The following NELL1 variants were observed in gnomAD, a reference collection of about 807,000 sequenced individuals.
NELL1 encodes neural EGFL like 1, also known as protein kinase C-binding protein NELL1.
In NELL1, 76 loss-of-function variants were observed where a neutral mutation model predicts 107.4. That is an observed-to-expected ratio of 0.71 (90% CI 0.59 to 0.86). The LOEUF (loss-of-function observed/expected upper bound fraction) is 0.86. NELL1 is among the 40% of genes least tolerant of loss of function. NELL1 has a pLI of 0.00. For synonymous variants in NELL1, 353 were observed against 341.2 expected, an observed-to-expected ratio of 1.03 and a Z score of -0.38; for missense variants, 1,024 against 1,005.5, an observed-to-expected ratio of 1.02 and a Z score of -0.25.
intron 15 of NELL1, among the ~76,000 whole-genome samples, chr11:21,428,334 C>G (rs1350848930): frequency 6.6e-6 from 1 of 152,070 alleles, no homozygotes; most frequent in African/African-American, 2.4e-5. Context: ...AGCATTAGTA[C>G]AAATAATTTT....
chr11:20,914,958 A>G lies in NELL1; in HGVS notation c.604-3224A>G, dbSNP rs12574023. ...CCTAAATTAAAAACTATTGCCCCAC[A>G]TGATCTTCACAGATCCTAACTGTGC... On this transcript the variant is annotated intron_variant, in intron 5 of 19. Coordinates refer to ENST00000357134, the MANE Select transcript of NELL1 (RefSeq NM_006157.5). 5.0e-3 allele frequency among the ~76,000 whole-genome samples: 764 copies of G among 152,138 alleles called. 24 individuals carry two copies. The East Asian group carries it at 0.081, about 16-fold the overall frequency.
chr11:20,755,552 T>TTTTTTTTTTTTATTTTTTTA lies in NELL1; in HGVS notation c.185-28125_185-28124insTTTTTTTTATTTTTTTATTT. The stretch of plus-strand genomic sequence containing the variant: ...TGTGTGGGTTTTTGTTTTTTTTTGT[T>TTTTTTTTTTTTATTTTTTTA]TTTGTTTTTGTTTTTTTTTTTTTGA... On this transcript the variant is annotated intron_variant, in intron 2 of 19. Coordinates refer to ENST00000357134, the MANE Select transcript of NELL1 (RefSeq NM_006157.5). 4.8e-5 allele frequency among the ~76,000 whole-genome samples: 2 copies of TTTTTTTTTTTTATTTTTTTA among 41,482 alleles called. 1 individual carries two copies. Among genetic ancestry groups the TTTTTTTTTTTTATTTTTTTA allele is most frequent in the Non-Finnish European group, 9.9e-5 (2 of 20,190 alleles). The allele number at this position is 41,482 out of a possible 152,430, so 27.2% of individuals were successfully genotyped here. A position where few individuals can be genotyped will look rare whatever the true frequency, so the allele number is the denominator to read the frequency against.
At chr11:20,692,797 T>G (rs1854504461) in intron 2 of NELL1, among the ~76,000 whole-genome samples, 2 of 152,198 alleles carry the variant, frequency 1.3e-5, no homozygotes, top group African/African-American at 4.8e-5. Context: ...AGATGTCTAT[T>G]AGGTCCGCTT....
At chr11:21,214,836 T>C (rs1857579589) in intron 13 of NELL1, among the ~76,000 whole-genome samples, 1 of 152,110 alleles carries the variant, frequency 6.6e-6, no homozygotes, top group South Asian at 2.1e-4. Context: ...TAAAAAGAGA[T>C]TGTGTTGGTG....
At position 21,410,714 on chromosome 11, in the gene NELL1, C is replaced by T. The variant is rs56719653; in HGVS notation, c.1645+39766C>T. Among the ~76,000 whole-genome samples, 311 of 152,030 alleles carry T rather than the reference C, an allele frequency of 2.0e-3. 2 individuals carry two copies. The highest frequency in any genetic ancestry group is 7.0e-3 in the African/African-American group (289 of 41,504). On this transcript the variant is annotated intron_variant, in intron 15 of 19. Coordinates refer to ENST00000357134, the MANE Select transcript of NELL1 (RefSeq NM_006157.5). Reference sequence around the variant, plus strand: ...GCTGTTTGATCACAAAAATGATTTGCGTCTCCTTATCTCAGTGGAGAGAAT... The same window carrying T: ...GCTGTTTGATCACAAAAATGATTTGTGTCTCCTTATCTCAGTGGAGAGAAT...
intron 2 of NELL1, among the ~76,000 whole-genome samples, chr11:20,752,271 C>T (rs899141133): frequency 2.6e-5 from 4 of 152,066 alleles, no homozygotes; most frequent in South Asian, 2.1e-4. Context: ...AATCCTTGGC[C>T]AGGTGTGGTG....
intron 15 of NELL1, among the ~76,000 whole-genome samples, chr11:21,372,873 T>C (rs2133756065): frequency 6.6e-6 from 1 of 152,160 alleles, no homozygotes; most frequent in East Asian, 1.9e-4. Flanking sequence ...TCTTGATTTG[T>C]CCTTTGTCCT....
At chr11:21,219,324 G>C (rs1857694261) in intron 13 of NELL1, among the ~76,000 whole-genome samples, 1 of 151,968 alleles carries the variant, frequency 6.6e-6, no homozygotes, top group African/African-American at 2.4e-5. Context: ...TTTTTATTTT[G>C]GGTTATTTGC....
chr11:20,856,758 T>C (rs1286275099), intron 4 of NELL1, among the ~76,000 whole-genome samples: 2 of 152,242 alleles, frequency 1.3e-5, no homozygotes, highest in Non-Finnish European at 2.9e-5. Flanking sequence ...CTCAGAAGCA[T>C]AACACCACGC....
At position 20,905,704 on chromosome 11, in the gene NELL1, A is replaced by G. The variant is rs539022589; in HGVS notation, c.604-12478A>G. Among the ~76,000 whole-genome samples, 8 of 152,304 alleles carry G rather than the reference A, an allele frequency of 5.3e-5. 1 individual carries two copies. Among genetic ancestry groups the G allele is most frequent in the African/African-American group, 1.9e-4 (8 of 41,584 alleles). On this transcript the variant is annotated intron_variant, in intron 5 of 19. Transcript: ENST00000357134. Reference sequence around the variant, plus strand: ...GGCTGAAGAATGAGTAATGGAACTTAAAGATAAGATCATTGAAATTAACAA... The same window carrying G: ...GGCTGAAGAATGAGTAATGGAACTTGAAGATAAGATCATTGAAATTAACAA...
At chr11:21,537,262 C>G (rs1018191159) in intron 16 of NELL1, among the ~76,000 whole-genome samples, 1 of 152,068 alleles carries the variant, frequency 6.6e-6, no homozygotes, top group African/African-American at 2.4e-5. Flanking sequence ...CTTCTAATGC[C>G]TTCCCAATGA....
rs371657292 is a variant in NELL1 at position 21,112,070 on chromosome 11, C to A, written c.1301-1519C>A. Among the ~76,000 whole-genome samples, 34 of 152,164 alleles carry A rather than the reference C, an allele frequency of 2.2e-4. 2 individuals carry two copies. The East Asian group carries it at 3.3e-3, about 15-fold the overall frequency. Reference sequence around the variant, plus strand: ...ATAATTCCTTGCCTTCATCAGGATTCTTGGTGGAAGTTGAGTTCCCCAGGA... The same window carrying A: ...ATAATTCCTTGCCTTCATCAGGATTATTGGTGGAAGTTGAGTTCCCCAGGA... On this transcript the variant is annotated intron_variant, in intron 12 of 19. Coordinates refer to ENST00000357134, the MANE Select transcript of NELL1 (RefSeq NM_006157.5).
intron 12 of NELL1, among the ~76,000 whole-genome samples, chr11:21,048,165 A>C (rs1853402807): frequency 6.6e-6 from 1 of 152,124 alleles, no homozygotes; most frequent in East Asian, 1.9e-4. Context: ...TACTAATAGA[A>C]TATAGGAGCT....
intron 12 of NELL1, among the ~76,000 whole-genome samples, chr11:21,009,336 G>A (rs1206985339): frequency 6.6e-6 from 1 of 152,096 alleles, no homozygotes; most frequent in Non-Finnish European, 1.5e-5. Flanking sequence ...AAGGTCTTCT[G>A]TTTGTTAGAT....
chr11:21,289,826 C>A (rs1849209639), intron 14 of NELL1, among the ~76,000 whole-genome samples: 1 of 152,172 alleles, frequency 6.6e-6, no homozygotes, highest in Non-Finnish European at 1.5e-5. Flanking sequence ...TCCGCCATTA[C>A]TGAGGCTTGA....
At chr11:21,298,784 A>ACAG (rs901307712) in intron 14 of NELL1, among the ~76,000 whole-genome samples, 1 of 151,972 alleles carries the variant, frequency 6.6e-6, no homozygotes, top group African/African-American at 2.4e-5. Context: ...AAGTAAATAA[A>ACAG]CAGCAGCAGC....
intron 2 of NELL1, among the ~76,000 whole-genome samples, chr11:20,737,513 A>G (rs1855789838): frequency 6.6e-6 from 1 of 152,160 alleles, no homozygotes; most frequent in Admixed American, 6.5e-5. Context: ...CAGTTTTTTT[A>G]ATGTGTTGTG....
At chr11:21,440,306 T>TG (rs201331319) in intron 15 of NELL1, among the ~76,000 whole-genome samples, 56,981 of 142,012 alleles carry the variant, frequency 0.4, 12,374 homozygotes, top group African/African-American at 0.63. Context: ...AAAAGTAAGT[T>TG]TTTTTTTTTT....
chr11:21,449,814 C>G (rs1853533460), intron 15 of NELL1, among the ~76,000 whole-genome samples: 2 of 152,154 alleles, frequency 1.3e-5, no homozygotes, highest in Non-Finnish European at 2.9e-5. Context: ...GAAGACCAAC[C>G]TTTCTCTATT....
Sources: allele counts gnomAD v4.1 joint callset (sites outside exome capture counted in the v4.1 genomes callset), GRCh38; gene constraint gnomAD v4.1.1; transcripts MANE v1.5; gene names NCBI Gene and HGNC (gene_info 2026-07-23, HGNC 2026-07-21).